Variants in CCDC171 observed in about 807,000 individuals in gnomAD.
The protein encoded by CCDC171 is coiled-coil domain containing 171.
In CCDC171, 177 loss-of-function variants were observed where a neutral mutation model predicts 168.2. The ratio of observed to expected loss-of-function variants is 1.05; its 90% CI spans 0.93 to 1.19. The LOEUF is 1.19. Among genes scored for constraint, CCDC171 ranks in the 50% most tolerant of loss-of-function variants. The pLI is 0.00. For synonymous variants in CCDC171, 687 were observed against 540.8 expected, an observed-to-expected ratio of 1.27 and a Z score of -3.75; for missense variants, 1,991 against 1,539.0, an observed-to-expected ratio of 1.29 and a Z score of -4.91.
At chr9:15,937,426 G>T (rs1827236053) in intron 25 of CCDC171, among the ~76,000 whole-genome samples, 1 of 151,908 alleles carries the variant, frequency 6.6e-6, no homozygotes, top group South Asian at 2.1e-4. Flanking sequence ...GGAAGTAAAA[G>T]TTGTAATAAT....
intron 6 of CCDC171, among the ~76,000 whole-genome samples, chr9:15,608,106 A>C (rs997152623): frequency 2.3e-4 from 35 of 152,040 alleles, no homozygotes; most frequent in African/African-American, 7.0e-4. Context: ...TCTTCTTGTA[A>C]AGCCACCAGT....
At chr9:15,975,523 G>T (rs1464310024), downstream of CCDC171, among the ~76,000 whole-genome samples, 1 of 152,104 alleles carries the variant, frequency 6.6e-6, no homozygotes, top group Non-Finnish European at 1.5e-5. Flanking sequence ...CTGTGAAGTT[G>T]GTGTCTATCT....
At chr9:15,559,978 C>A (rs537278047) in intron 1 of CCDC171, among the ~76,000 whole-genome samples, 1 of 152,040 alleles carries the variant, frequency 6.6e-6, no homozygotes, top group Admixed American at 6.6e-5. Context: ...TTTTATTTCT[C>A]CTTCACTTAT....
chr9:15,584,461 G>T (rs1587147898), intron 4 of CCDC171, among the ~76,000 whole-genome samples: 1 of 152,198 alleles, frequency 6.6e-6, no homozygotes, highest in African/African-American at 2.4e-5. Flanking sequence ...GAAGTGGATA[G>T]TTGTGGAGAA....
intron 23 of CCDC171, among the ~76,000 whole-genome samples, chr9:15,874,264 C>A (rs1378157756): frequency 6.6e-6 from 1 of 151,928 alleles, no homozygotes; most frequent in African/African-American, 2.4e-5. Flanking sequence ...AAAAATAATT[C>A]AAAACCTCTT....
chr9:15,678,855 A>C lies in CCDC171; in HGVS notation c.1174A>C (p.Asn392His), dbSNP rs760083621. Residue 392 changes from asparagine (N) to histidine (H), a missense_variant, in exon 10 of 26, where the codon AAT (asparagine) becomes CAT (histidine). By Grantham distance (68) the Asn-to-His change is moderately conservative (BLOSUM62 1). Coordinates refer to ENST00000380701, the MANE Select transcript of CCDC171 (RefSeq NM_173550.4). ...AGACCTTTCAAAGAGACTCCAGTAT[A>C]ATGAAAAAAGTTGCAGTGAATTACA... ...IIDLSKRLQY[N>H]EKSCSELQEE... 1 of 1,594,074 alleles carries C rather than the reference A, an allele frequency of 6.3e-7. No individual in the cohort carries two copies. Among genetic ancestry groups the C allele is most frequent in the Non-Finnish European group, 8.5e-7 (1 of 1,172,834 alleles).
chr9:15,637,343 C>A (rs200673798), intron 7 of CCDC171, among the ~76,000 whole-genome samples: 1 of 151,752 alleles, frequency 6.6e-6, no homozygotes, highest in Non-Finnish European at 1.5e-5. Context: ...GTGCACAACC[C>A]GGTATTGACT....
chr9:16,057,577 G>A (rs937240330), intron 1 of CCDC171, among the ~76,000 whole-genome samples: 3 of 152,184 alleles, frequency 2.0e-5, no homozygotes, highest in Non-Finnish European at 2.9e-5. Flanking sequence ...GGTAGGATCT[G>A]CACCTTTAGG....
Position 15,744,591 on chromosome 9 carries a change from A to T in CCDC171, c.2368A>T (p.Lys790Ter). Residue 790 changes from lysine (K) to a stop codon, truncating the protein, a stop_gained, in exon 17 of 26, where the codon AAA (lysine) becomes TAA (stop). Transcript: ENST00000380701. LOFTEE classifies it high-confidence loss of function. Reference sequence around the variant, plus strand: ...AAAGAAGCAAGAGGAAGCCAAGATGAAAAAGAAAACATTCAAAGGATTGAT... The same window carrying T: ...AAAGAAGCAAGAGGAAGCCAAGATGTAAAAGAAAACATTCAAAGGATTGAT... The part of the protein sequence containing the change: ...EEKKQEEAKM[K>*]KKTFKGLIRI... The T allele has an allele frequency of 1.2e-6, 2 of 1,614,230 alleles. No homozygotes were observed. Among genetic ancestry groups the T allele is most frequent in the South Asian group, 2.2e-5 (2 of 91,088 alleles).
chr9:16,066,281 A>C (rs919656240), downstream of CCDC171, among the ~76,000 whole-genome samples: 1 of 152,176 alleles, frequency 6.6e-6, no homozygotes, highest in Non-Finnish European at 1.5e-5. Context: ...AAAGCATGGT[A>C]GTCCAATAAA....
intron 18 of CCDC171, among the ~76,000 whole-genome samples, chr9:15,752,752 C>T (rs1209360860): frequency 1.3e-5 from 2 of 151,810 alleles, no homozygotes; most frequent in East Asian, 3.9e-4. Flanking sequence ...GGGGTGTGGG[C>T]TGGGAGAGGG....
chr9:15,765,763 G>A (rs1361036245), intron 18 of CCDC171, among the ~76,000 whole-genome samples: 1 of 152,072 alleles, frequency 6.6e-6, no homozygotes, highest in Non-Finnish European at 1.5e-5. Flanking sequence ...CAGGGTGGGG[G>A]TTTGCCAGGT....
intron 6 of CCDC171, among the ~76,000 whole-genome samples, chr9:15,596,287 T>G (rs376684150): frequency 3.3e-5 from 5 of 152,052 alleles, no homozygotes; most frequent in Non-Finnish European, 4.4e-5. Flanking sequence ...GGTCTAACAT[T>G]TAAGTCTTTA....
At chr9:15,794,855 A>T (rs935890191) in intron 21 of CCDC171, among the ~76,000 whole-genome samples, 1 of 152,164 alleles carries the variant, frequency 6.6e-6, no homozygotes, top group Non-Finnish European at 1.5e-5. Context: ...ATATTGCTGC[A>T]CCCAGTTTCT....
intron 24 of CCDC171, among the ~76,000 whole-genome samples, chr9:15,882,330 C>T: frequency 6.6e-6 from 1 of 152,124 alleles, no homozygotes; most frequent in African/African-American, 2.4e-5. Context: ...CTTGCATATT[C>T]TGGTTGTTAA....
At chr9:16,092,349 C>G in the CCDC171 span, among the ~76,000 whole-genome samples, 1 of 152,206 alleles carries the variant, frequency 6.6e-6, no homozygotes, top group African/African-American at 2.4e-5. Context: ...GCTGCCAGCT[C>G]CAAAGGTGTG....
intron 7 of CCDC171, among the ~76,000 whole-genome samples, chr9:15,629,514 AT>A (rs777827106): frequency 1.3e-5 from 2 of 152,236 alleles, no homozygotes; most frequent in Non-Finnish European, 1.5e-5. Context: ...CCTCCAGGAA[AT>A]ATGGGACTAT....
At chr9:15,999,386 A>AGAAG (rs970245432) in intron 3 of CCDC171, among the ~76,000 whole-genome samples, 1 of 142,774 alleles carries the variant, frequency 7.0e-6, no homozygotes, top group African/African-American at 2.5e-5. Context: ...GAGGAAGGAA[A>AGAAG]GAAGGAAGGA....
intron 7 of CCDC171, among the ~76,000 whole-genome samples, chr9:15,650,454 C>T (rs1446187338): frequency 6.6e-6 from 1 of 152,046 alleles, no homozygotes. Context: ...GGTATCTCTT[C>T]ATGTTTTTAG....
Sources: gnomAD v4.1 joint callset for allele counts (sites outside exome capture counted in the v4.1 genomes callset) on GRCh38, gnomAD v4.1.1 for gene constraint, MANE v1.5 for transcripts, NCBI Gene and HGNC (gene_info 2026-07-23, HGNC 2026-07-21) for gene names.